The following LBH variants were observed in gnomAD, a reference collection of about 807,000 sequenced individuals.
The protein encoded by LBH is protein LBH.
In LBH, 7 loss-of-function variants were observed where a neutral mutation model predicts 12.5. The observed-to-expected ratio is 0.56, with a 90% CI of 0.32 to 1.05. The LOEUF is 1.05. Among genes scored for constraint, LBH ranks in the 50% least tolerant of loss-of-function variants. The pLI, the probability that LBH is intolerant of heterozygous loss-of-function variation, is 0.04. For synonymous variants in LBH, 51 were observed against 50.1 expected, an observed-to-expected ratio of 1.02 and a Z score of -0.08; for missense variants, 119 against 138.9, an observed-to-expected ratio of 0.86 and a Z score of 0.72.
chr2:30,232,464 CG>C, intron 1 of LBH: 1 of 439,102 alleles, frequency 2.3e-6, no homozygotes, highest in Non-Finnish European at 4.0e-6. Context: ...GGATCGGAGC[CG>C]GGAGGGATGC....
At chr2:30,243,593 C>T (rs746646405) in intron 2 of LBH, among the ~76,000 whole-genome samples, 1 of 146,900 alleles carries the variant, frequency 6.8e-6, no homozygotes, top group East Asian at 2.0e-4. Flanking sequence ...TGCAGTGGCA[C>T]GATCTCAGCT....
intron 2 of LBH, among the ~76,000 whole-genome samples, chr2:30,243,270 A>G (rs868732408): frequency 2.6e-5 from 4 of 152,206 alleles, no homozygotes; most frequent in African/African-American, 9.6e-5. Flanking sequence ...GTACACTGAC[A>G]CCCTCTGTGG....
chr2:30,254,326 GTC>G (rs1678041353), intron 2 of LBH, among the ~76,000 whole-genome samples: 1 of 152,158 alleles, frequency 6.6e-6, no homozygotes, highest in Admixed American at 6.5e-5. Context: ...CTCTGTCTCT[GTC>G]TCTGTCTCAC....
In LBH at chr2:30,231,679, T is replaced by G; in HGVS notation, c.-60T>G. On this transcript the variant is annotated 5_prime_UTR_variant, in exon 1 of 3. Transcript: ENST00000395323. ...CCGTCTGCGCCCGTGTCATCCTCAC[T>G]CGGGACGCAGGGACCGTTTTTAAAT... is the stretch of plus-strand genomic sequence containing the variant. The G allele has an allele frequency of 6.5e-7, 1 of 1,533,938 alleles. No homozygotes were observed. The highest frequency in any genetic ancestry group is 1.1e-5 in the South Asian group (1 of 87,224).
At chr2:30,231,916 C>A in intron 1 of LBH, 152 bp downstream of exon 1, 2 of 517,792 alleles carry the variant, frequency 3.9e-6, no homozygotes, top group Non-Finnish European at 5.8e-6. Context: ...GAGTCAACGT[C>A]AAGGTTGCAA....
chr2:30,235,921 G>C (rs1191476437), intron 2 of LBH, among the ~76,000 whole-genome samples: 1 of 152,072 alleles, frequency 6.6e-6, no homozygotes, highest in African/African-American at 2.4e-5. Flanking sequence ...TCTTTGCTAC[G>C]TTTGACTTTT....
At chr2:30,250,693 A>T (rs1677963558) in intron 2 of LBH, among the ~76,000 whole-genome samples, 1 of 152,004 alleles carries the variant, frequency 6.6e-6, no homozygotes, top group African/African-American at 2.4e-5. Flanking sequence ...GTTGCCTTTC[A>T]GTTCCCCTCC....
At chr2:30,232,348 C>A in intron 1 of LBH, 1 of 1,149,948 alleles carries the variant, frequency 8.7e-7, no homozygotes, top group Non-Finnish European at 1.2e-6. Flanking sequence ...CCCTAAAAAC[C>A]GACGCACATT....
chr2:30,236,816 CAG>C (rs1458227558), intron 2 of LBH, among the ~76,000 whole-genome samples: 2 of 152,212 alleles, frequency 1.3e-5, no homozygotes, highest in Non-Finnish European at 2.9e-5. Flanking sequence ...CCGACAGAAT[CAG>C]AGGGAGGGCA....
intron 2 of LBH, among the ~76,000 whole-genome samples, chr2:30,251,636 T>C (rs11127260): frequency 0.99 from 145,079 of 146,358 alleles, 71,919 homozygotes; most frequent in East Asian, 1. Context: ...CATTGCACTC[T>C]AGTCTGGGTG....
At chr2:30,255,419 C>T (rs1678067294) in intron 2 of LBH, among the ~76,000 whole-genome samples, 2 of 152,258 alleles carry the variant, frequency 1.3e-5, no homozygotes. Context: ...CCGTGACCCA[C>T]ACTGGCCCAT....
At chr2:30,236,431 G>T (rs1020315561) in intron 2 of LBH, among the ~76,000 whole-genome samples, 1 of 152,214 alleles carries the variant, frequency 6.6e-6, no homozygotes, top group African/African-American at 2.4e-5. Context: ...TGGACTGAGG[G>T]CCCAGTTCTC....
intron 2 of LBH, among the ~76,000 whole-genome samples, chr2:30,246,116 G>A (rs971738957): frequency 1.3e-5 from 2 of 151,990 alleles, no homozygotes; most frequent in South Asian, 2.1e-4. Context: ...GCACCACCAC[G>A]CCTGGCTAAT....
chr2:30,234,391 G>A lies in LBH; in HGVS notation c.27-14G>A. Reference sequence around the variant, plus strand: ...GCGTGTGTTTGTTGACTTTTGGTCTGGGTTTCTTGGCAGCCCCGACTATCT... The same window carrying A: ...GCGTGTGTTTGTTGACTTTTGGTCTAGGTTTCTTGGCAGCCCCGACTATCT... On this transcript the variant is annotated splice_polypyrimidine_tract_variant and intron_variant, in intron 1 of 2. Transcript: ENST00000395323. The A allele has an allele frequency of 6.2e-7, 1 of 1,609,164 alleles. No homozygotes were observed. The highest frequency in any genetic ancestry group is 8.5e-7 in the Non-Finnish European group (1 of 1,175,520).
intron 2 of LBH, among the ~76,000 whole-genome samples, chr2:30,240,739 G>A (rs941407907): frequency 3.0e-4 from 46 of 152,132 alleles, no homozygotes; most frequent in African/African-American, 1.0e-3. Flanking sequence ...GAAACTTTGG[G>A]AGCCCCCTCA....
chr2:30,240,830 G>A (rs750268252), intron 2 of LBH, among the ~76,000 whole-genome samples: 15 of 152,164 alleles, frequency 9.9e-5, no homozygotes, highest in African/African-American at 2.7e-4. Context: ...GACCCCAAGC[G>A]TTTAGCTGAA....
intron 1 of LBH, chr2:30,232,998 G>C (rs1286794642): frequency 6.6e-6 from 1 of 152,292 alleles, no homozygotes; most frequent in African/African-American, 2.4e-5. Flanking sequence ...CCCCCACCCC[G>C]AGGCTTGTGT....
chr2:30,237,757 T>C (rs1387158759), intron 2 of LBH, among the ~76,000 whole-genome samples: 4 of 152,204 alleles, frequency 2.6e-5, no homozygotes, highest in Non-Finnish European at 4.4e-5. Flanking sequence ...GTGCCTTGTT[T>C]TGTAGTAACA....
At chr2:30,245,175 G>T (rs1328022406) in intron 2 of LBH, among the ~76,000 whole-genome samples, 1 of 152,170 alleles carries the variant, frequency 6.6e-6, no homozygotes, top group Non-Finnish European at 1.5e-5. Context: ...CTGTGGAGAA[G>T]TAGAATGGAA....
Sources: allele counts gnomAD v4.1 joint callset (sites outside exome capture counted in the v4.1 genomes callset), GRCh38; gene constraint gnomAD v4.1.1; transcripts MANE v1.5; gene names NCBI Gene and HGNC (gene_info 2026-07-23, HGNC 2026-07-21).